Variants in PLB1 observed in about 807,000 individuals in gnomAD.
The protein encoded by PLB1 is phospholipase B1, also known as phospholipase B1, membrane-associated.
PLB1 carries 242 observed loss-of-function variants against 227.4 expected under a neutral mutation model. The observed-to-expected ratio is 1.06, with a 90% CI of 0.96 to 1.18. PLB1 has a LOEUF of 1.18. Among genes scored for constraint, PLB1 ranks in the 50% most tolerant of loss-of-function variants. The probability of loss-of-function intolerance (pLI) is 0.00; values close to 1 mark genes in which losing one functional copy is unlikely to be tolerated. For missense variants in PLB1, 1,858 were observed against 1,816.3 expected (o/e 1.02, Z -0.42); for synonymous variants, 757 against 682.2 (o/e 1.11, Z -1.71).
rs777026235 is a variant in PLB1, at chr2:28,643,305, C to G, written c.*244C>G. ...CCTGCGTGAAGCACTCACCTTCCAT[C>G]TCTTGTGCAGCCCAGGTGTGGGAGC... On this transcript the variant is annotated 3_prime_UTR_variant, in exon 58 of 58. Transcript: ENST00000327757. 1.1e-4 allele frequency: 45 copies of G among 397,200 alleles called. No individual in the cohort carries two copies. Among genetic ancestry groups the G allele is most frequent in the South Asian group, 4.9e-4 (8 of 16,382 alleles). The allele number at this position is 397,200 out of a possible 1,614,324, so 24.6% of individuals were successfully genotyped here. A position where few individuals can be genotyped will look rare whatever the true frequency, so the allele number is the denominator to read the frequency against.
chr2:28,625,042 C>T lies in PLB1; in HGVS notation c.3528-15C>T. Reference sequence around the variant, plus strand: ...TGAGCCGGCACTAACGCCCCTCTCTCTACCCCCCACCTAGGGACATGCCAG... The same window carrying T: ...TGAGCCGGCACTAACGCCCCTCTCTTTACCCCCCACCTAGGGACATGCCAG... On this transcript the variant is annotated splice_polypyrimidine_tract_variant and intron_variant, in intron 49 of 57. Transcript: ENST00000327757. 6.2e-7 allele frequency: 1 copy of T among 1,613,038 alleles called. No homozygotes were observed. The highest frequency in any genetic ancestry group is 8.5e-7 in the Non-Finnish European group (1 of 1,179,362).
intron 17 of PLB1, among the ~76,000 whole-genome samples, chr2:28,553,965 C>A (rs1674627623): frequency 6.6e-6 from 1 of 152,078 alleles, no homozygotes; most frequent in South Asian, 2.1e-4. Context: ...CTGCCCTTCA[C>A]ACATGCCGTA....
In PLB1 at chr2:28,592,649, T is replaced by G; in HGVS notation, c.2189-12T>G. 6.2e-7 allele frequency: 1 copy of G among 1,614,150 alleles called. No individual in the cohort carries two copies. The highest frequency in any genetic ancestry group is 1.6e-4 in the Middle Eastern group (1 of 6,062). ...CTCCTGCAGCCCTAAGTGTGTCCAC[T>G]TGTCTTTCCAGTGCATGCCCTGAGA... On this transcript the variant is annotated splice_polypyrimidine_tract_variant and intron_variant, in intron 31 of 57. Transcript: ENST00000327757.
intron 47 of PLB1, 63 bp from the exon 48 acceptor site, chr2:28,620,537 A>G (rs893141144): frequency 1.3e-6 from 2 of 1,556,864 alleles, no homozygotes; most frequent in East Asian, 4.7e-5. Flanking sequence ...TGGCTTGTGC[A>G]TATGTTGACA....
intron 31 of PLB1, among the ~76,000 whole-genome samples, chr2:28,592,432 T>C (rs1409668033): frequency 6.6e-6 from 1 of 150,742 alleles, no homozygotes; most frequent in Non-Finnish European, 1.5e-5. Context: ...TTCTTCTCCC[T>C]CCTTCTCCCT....
chr2:28,581,033 G>T (rs1322419283), intron 23 of PLB1, among the ~76,000 whole-genome samples: 2 of 151,904 alleles, frequency 1.3e-5, no homozygotes, highest in Non-Finnish European at 2.9e-5. Flanking sequence ...GTAGCCCGTG[G>T]GGAGGTGGGA....
chr2:28,593,288 A>G (rs531558178), intron 32 of PLB1, among the ~76,000 whole-genome samples: 4 of 152,362 alleles, frequency 2.6e-5, no homozygotes, highest in East Asian at 1.9e-4. Context: ...TGTCCACTGC[A>G]GTCGCTTAAG....
intron 1 of PLB1, among the ~76,000 whole-genome samples, chr2:28,515,318 C>T (rs1048106833): frequency 1.3e-5 from 2 of 152,204 alleles, no homozygotes; most frequent in Non-Finnish European, 2.9e-5. Flanking sequence ...TGTGGCTCCC[C>T]AGCCCAGCTA....
rs1228864511 is a variant in PLB1 at position 28,589,561 on chromosome 2, A to G, written c.1920+7A>G. 1 of 1,613,878 alleles carries G rather than the reference A, an allele frequency of 6.2e-7. No homozygotes were observed. The highest frequency in any genetic ancestry group is 8.5e-7 in the Non-Finnish European group (1 of 1,179,734). ...GGACATGCCAAAGACCTCGGTAAAG[A>G]AAGCAAGCATCGTAGAAAAATAGAA... On this transcript the variant is annotated splice_region_variant and intron_variant, in intron 27 of 57. Transcript: ENST00000327757.
At chr2:28,579,814 C>G in intron 23 of PLB1, 107 bp downstream of exon 23, 1 of 941,736 alleles carries the variant, frequency 1.1e-6, no homozygotes. Context: ...GACTCAGGCT[C>G]ATGGTTTGTC....
chr2:28,567,526 C>T (rs1677208617), intron 20 of PLB1, among the ~76,000 whole-genome samples: 1 of 129,430 alleles, frequency 7.7e-6, no homozygotes, highest in African/African-American at 3.1e-5. Flanking sequence ...GGCTGGAGTG[C>T]AGAGTGGCGC....
chr2:28,543,118 C>T, intron 13 of PLB1, 94 bp from the exon 14 acceptor site: 2 of 1,369,086 alleles, frequency 1.5e-6, no homozygotes, highest in Non-Finnish European at 2.0e-6. Context: ...CAGGCTGCCC[C>T]AACTCTATGC....
intron 6 of PLB1, 128 bp downstream of exon 6, chr2:28,526,073 G>A (rs550274958): frequency 1.0e-4 from 107 of 1,061,864 alleles, no homozygotes; most frequent in Admixed American, 8.1e-4. Flanking sequence ...GAAAGGGGAC[G>A]GTGTTCTGAG....
intron 53 of PLB1, 107 bp from the exon 54 acceptor site, chr2:28,630,479 G>A (rs1028205682): frequency 1.3e-4 from 112 of 878,134 alleles, no homozygotes; most frequent in South Asian, 3.1e-4. Flanking sequence ...AGCACAGGCT[G>A]CAGGCCCCTG....
At chr2:28,593,610 C>T (rs1305456919) in intron 32 of PLB1, 71 bp from the exon 33 acceptor site, 8 of 1,319,366 alleles carry the variant, frequency 6.1e-6, no homozygotes, top group Non-Finnish European at 1.1e-6. Flanking sequence ...TCTTTGGAAG[C>T]CCTGTGCATT....
rs564871668 is a variant in PLB1 at position 28,520,108 on chromosome 2, A to T, written c.243+345A>T. Among the ~76,000 whole-genome samples the T allele has an allele frequency of 5.9e-5, 9 of 151,826 alleles. No individual in the cohort carries two copies. The South Asian group carries it at 1.9e-3, about 32-fold the overall frequency. On this transcript the variant is annotated intron_variant, in intron 4 of 57. Transcript: ENST00000327757. ...CATGCCTGGCTAGTTTTGTATTTTT[A>T]GTAGAGACAGAGTTTCTCCATGTTG...
At chr2:28,632,599 C>T (rs1688783475) in intron 55 of PLB1, among the ~76,000 whole-genome samples, 1 of 151,842 alleles carries the variant, frequency 6.6e-6, no homozygotes, top group Admixed American at 6.6e-5. Context: ...CCAGCCTGGC[C>T]AACATGGTGA....
Position 28,643,108 on chromosome 2 carries a change from C to T in PLB1, c.*47C>T, listed in dbSNP as rs1201112314. The T allele has an allele frequency of 4.0e-6, 6 of 1,482,882 alleles. No homozygotes were observed. In the South Asian group the frequency reaches 8.2e-5, roughly 20 times the overall value. The allele number at this position is 1,482,882 out of a possible 1,614,324, so 91.9% of individuals were successfully genotyped here. A position where few individuals can be genotyped will look rare whatever the true frequency, so the allele number is the denominator to read the frequency against. ...CTAAACTCCCTATAGCCACTCTCTT[C>T]ACCGCCCTCTGCCCCAGCCACTCCC... On this transcript the variant is annotated 3_prime_UTR_variant, in exon 58 of 58. Transcript: ENST00000327757.
chr2:28,641,346 G>A lies in PLB1; in HGVS notation c.4173+345G>A, dbSNP rs144507979. 3.7e-3 allele frequency among the ~76,000 whole-genome samples: 568 copies of A among 152,276 alleles called. 2 individuals carry two copies. The highest frequency in any genetic ancestry group is 0.013 in the African/African-American group (531 of 41,548). On this transcript the variant is annotated intron_variant, in intron 57 of 57. Coordinates refer to ENST00000327757, the MANE Select transcript of PLB1 (RefSeq NM_153021.5). ...ACCAAGGCCAGGCGTGGTGGCTCACGCCTATAATCCCAGCACTTTGGGAGG... is the reference window on the plus strand; with the variant it reads ...ACCAAGGCCAGGCGTGGTGGCTCACACCTATAATCCCAGCACTTTGGGAGG...
Sources: gnomAD v4.1 joint callset for allele counts (sites outside exome capture counted in the v4.1 genomes callset) on GRCh38, gnomAD v4.1.1 for gene constraint, MANE v1.5 for transcripts, NCBI Gene and HGNC (gene_info 2026-07-23, HGNC 2026-07-21) for gene names.